TRAK1: variants seen among roughly 807,000 people sequenced by gnomAD.
TRAK1 encodes the protein trafficking kinesin-binding protein 1.
A neutral mutation model predicts 92.1 loss-of-function variants in TRAK1; 33 were observed. The ratio of observed to expected loss-of-function variants is 0.36; its 90% CI spans 0.27 to 0.48. TRAK1 has a LOEUF of 0.48. Ranked by LOEUF, TRAK1 falls within the 20% of genes least tolerant of loss-of-function variation. The pLI is 0.99. For synonymous variants in TRAK1, 521 were observed against 517.3 expected (o/e 1.01, Z -0.10); for missense variants, 1,123 against 1,257.9 (o/e 0.89, Z 1.62).
In TRAK1 at chr3:42,219,522, G is replaced by C. The variant is rs1172866381; in HGVS notation, c.1992G>C (p.Gln664His). Residue 664 changes from glutamine to histidine, a missense_variant, in exon 15 of 16, where the codon CAG (glutamine) becomes CAC (histidine). Physicochemically the swap from Gln to His is conservative, Grantham distance 24. This residue lies in a region of TRAK1 where 401 missense variants were observed against 438.9 expected (regional missense o/e 0.91). Coordinates refer to ENST00000327628, the MANE Select transcript of TRAK1 (RefSeq NM_001042646.3). ...SAHHPGKCMS[Q>H]TNSTFTFTTC... ...ACCATCCTGGGAAGTGCATGTCTCA[G>C]ACCAACTCCACCTTCACCTTCACCA... The C allele has an allele frequency of 1.9e-6, 3 of 1,602,566 alleles. No homozygotes were observed. The highest frequency in any genetic ancestry group is 1.3e-5 in the African/African-American group (1 of 74,496).
chr3:42,060,962 G>T (rs1001135985), intron 1 of TRAK1, among the ~76,000 whole-genome samples: 2 of 151,830 alleles, frequency 1.3e-5, no homozygotes, highest in Admixed American at 6.6e-5. Context: ...TTGTTTTGCA[G>T]TTTTTTGGGG....
intron 1 of TRAK1, among the ~76,000 whole-genome samples, chr3:42,054,019 C>T (rs534592939): frequency 6.6e-6 from 1 of 152,292 alleles, no homozygotes; most frequent in South Asian, 2.1e-4. Flanking sequence ...AGACCAACAT[C>T]GTGGAGTCAG....
At chr3:42,149,872 T>A (rs1356875099) in intron 2 of TRAK1, among the ~76,000 whole-genome samples, 1 of 152,168 alleles carries the variant, frequency 6.6e-6, no homozygotes, top group Non-Finnish European at 1.5e-5. Flanking sequence ...GTGTTATACT[T>A]CTATTGGATT....
intron 1 of TRAK1, among the ~76,000 whole-genome samples, chr3:42,103,972 A>C (rs1321537780): frequency 6.6e-6 from 1 of 152,150 alleles, no homozygotes; most frequent in East Asian, 1.9e-4. Flanking sequence ...TCCCACCCTA[A>C]TACTGCGCTT....
intron 1 of TRAK1, among the ~76,000 whole-genome samples, chr3:42,079,903 T>C (rs1374269892): frequency 1.3e-5 from 2 of 152,124 alleles, no homozygotes; most frequent in African/African-American, 2.4e-5. Context: ...TGGGTGAGAA[T>C]AGTTTCACAA....
At chr3:42,074,327 G>C (rs889452977) in intron 1 of TRAK1, among the ~76,000 whole-genome samples, 1 of 152,184 alleles carries the variant, frequency 6.6e-6, no homozygotes, top group Admixed American at 6.5e-5. Flanking sequence ...CAAGAGTGCT[G>C]GGGCTGTCGA....
rs370199213 is a variant in TRAK1, at chr3:42,113,318, ACTCTACT to A, written c.92-12085_92-12079del. Reference sequence around the variant, plus strand: ...ATTTTCTCAAAAGCATTGTTATTCTACTCTACTCTCTACTCTCTACTCTACTCCTACT... The same window carrying A: ...ATTTTCTCAAAAGCATTGTTATTCTACTCTACTCTCTACTCTACTCCTACT... On this transcript the variant is annotated intron_variant, in intron 1 of 15. Coordinates refer to ENST00000327628, the MANE Select transcript of TRAK1 (RefSeq NM_001042646.3). 5.0e-3 allele frequency among the ~76,000 whole-genome samples: 756 copies of A among 151,754 alleles called. 8 individuals are homozygous for A. Among genetic ancestry groups the A allele is most frequent in the African/African-American group, 0.016 (643 of 41,312 alleles).
At chr3:42,160,434 A>AC (rs1219308270) in intron 2 of TRAK1, 2 of 1,614,090 alleles carry the variant, frequency 1.2e-6, no homozygotes, top group Non-Finnish European at 1.7e-6. Flanking sequence ...GAGGAAGCCA[A>AC]CCCACAGGCA....
At chr3:42,052,156 C>T (rs879308241) in intron 1 of TRAK1, among the ~76,000 whole-genome samples, 1 of 152,232 alleles carries the variant, frequency 6.6e-6, no homozygotes, top group Non-Finnish European at 1.5e-5. Context: ...GACATGGCAT[C>T]AGCCCTGTGC....
chr3:42,138,029 A>T (rs1698167852), intron 2 of TRAK1, among the ~76,000 whole-genome samples: 1 of 150,934 alleles, frequency 6.6e-6, no homozygotes, highest in Non-Finnish European at 1.5e-5. Context: ...TCTTAATTTG[A>T]GTTTCTCTGT....
At chr3:42,084,191 C>G (rs1300044062), upstream of TRAK1, among the ~76,000 whole-genome samples, 1 of 152,082 alleles carries the variant, frequency 6.6e-6, no homozygotes, top group African/African-American at 2.4e-5. Flanking sequence ...CTGGAACTCT[C>G]ATCAGTGTGC....
At chr3:42,041,203 G>T (rs1181743931) in intron 1 of TRAK1, among the ~76,000 whole-genome samples, 2 of 149,824 alleles carry the variant, frequency 1.3e-5, no homozygotes, top group Non-Finnish European at 3.0e-5. Flanking sequence ...TCAATTTCAG[G>T]AGTATTGACA....
intron 13 of TRAK1, among the ~76,000 whole-genome samples, chr3:42,207,667 TA>T (rs1708484049): frequency 6.6e-6 from 1 of 152,130 alleles, no homozygotes; most frequent in Non-Finnish European, 1.5e-5. Flanking sequence ...AAGCTTAATT[TA>T]AAAAATCACA....
At chr3:42,066,639 TTGTAGCCTGTG>T (rs1003937444) in intron 1 of TRAK1, among the ~76,000 whole-genome samples, 2 of 152,206 alleles carry the variant, frequency 1.3e-5, no homozygotes, top group East Asian at 3.8e-4. Context: ...TGCATGCAGT[TTGTAGCCTGTG>T]TGTTTCCTGT....
Position 42,185,996 on chromosome 3 carries a change from TTTTTG to T in TRAK1, c.480+1196_480+1200del, listed in dbSNP as rs1379729966. Among the ~76,000 whole-genome samples the T allele has an allele frequency of 2.6e-3, 86 of 32,900 alleles. 3 individuals are homozygous for T. In the Middle Eastern group the frequency reaches 0.041, roughly 16 times the overall value. The allele number at this position is 32,900 out of a possible 152,430, so 21.6% of individuals were successfully genotyped here. A position where few individuals can be genotyped will look rare whatever the true frequency, so the allele number is the denominator to read the frequency against. ...GCCTTTTTTTTTTTTTTTTTTTTTT[TTTTTG>T]AGATAAGGTCTCACTCTGTCACTCA... On this transcript the variant is annotated intron_variant, in intron 4 of 15. Coordinates refer to ENST00000327628, the MANE Select transcript of TRAK1 (RefSeq NM_001042646.3).
intron 1 of TRAK1, among the ~76,000 whole-genome samples, chr3:42,098,644 C>T (rs935553822): frequency 1.3e-5 from 2 of 152,132 alleles, no homozygotes; most frequent in Admixed American, 6.5e-5. Context: ...GGTGGTTTTG[C>T]CCTAATTTAC....
intron 9 of TRAK1, among the ~76,000 whole-genome samples, 182 bp from the exon 10 acceptor site, chr3:42,194,622 A>G (rs984963068): frequency 9.2e-5 from 14 of 152,172 alleles, no homozygotes; most frequent in Non-Finnish European, 2.1e-4. Context: ...AGCTTGCCTC[A>G]AGTCAAAGAA....
At chr3:42,029,904 A>G (rs2148890191) in intron 1 of TRAK1, among the ~76,000 whole-genome samples, 1 of 152,044 alleles carries the variant, frequency 6.6e-6, no homozygotes, top group Admixed American at 6.6e-5. Flanking sequence ...AGAATAGGGG[A>G]GGCACGATTG....
chr3:42,071,544 C>T (rs1469408583), intron 1 of TRAK1, among the ~76,000 whole-genome samples: 1 of 152,158 alleles, frequency 6.6e-6, no homozygotes, highest in South Asian at 2.1e-4. Flanking sequence ...CCCGTCTCTA[C>T]TAAAAATACA....
Sources: allele counts gnomAD v4.1 joint callset (sites outside exome capture counted in the v4.1 genomes callset), GRCh38; gene constraint gnomAD v4.1.1; regional missense constraint gnomAD v4.1.1; transcripts MANE v1.5; gene names NCBI Gene and HGNC (gene_info 2026-07-23, HGNC 2026-07-21).